NELL1: variants seen among roughly 807,000 people sequenced by gnomAD.
The protein encoded by NELL1 is protein kinase C-binding protein NELL1.
In NELL1, 76 loss-of-function variants were observed where a neutral mutation model predicts 107.4. The observed-to-expected ratio is 0.71, with a 90% CI of 0.59 to 0.86. NELL1 has a LOEUF of 0.86. Ranked by LOEUF, NELL1 falls within the 40% of genes least tolerant of loss-of-function variation. The pLI is 0.00. For synonymous variants in NELL1, 353 were observed against 341.2 expected (o/e 1.03, Z -0.38); for missense variants, 1,024 against 1,005.5 (o/e 1.02, Z -0.25).
At chr11:20,895,441 C>G (rs554494753) in intron 5 of NELL1, among the ~76,000 whole-genome samples, 1 of 150,702 alleles carries the variant, frequency 6.6e-6, no homozygotes, top group Non-Finnish European at 1.5e-5. Context: ...TATCTTTCCA[C>G]TCTCTAGCTG....
intron 15 of NELL1, among the ~76,000 whole-genome samples, chr11:21,526,719 C>G (rs1374710491): frequency 6.6e-6 from 1 of 152,170 alleles, no homozygotes; most frequent in Admixed American, 6.5e-5. Flanking sequence ...AGAGCTTGCC[C>G]CCTCTGAAAC....
chr11:21,574,235 T>C (rs1165955583), intron 19 of NELL1, among the ~76,000 whole-genome samples: 1 of 127,628 alleles, frequency 7.8e-6, no homozygotes, highest in East Asian at 2.3e-4. Context: ...CTTGCCTCTT[T>C]ATGCTGTTAT....
At chr11:20,688,202 A>T (rs1854356859) in intron 2 of NELL1, among the ~76,000 whole-genome samples, 1 of 152,190 alleles carries the variant, frequency 6.6e-6, no homozygotes, top group African/African-American at 2.4e-5. Flanking sequence ...TTTTTAAATT[A>T]AAAAAGTTTT....
intron 15 of NELL1, among the ~76,000 whole-genome samples, chr11:21,397,200 CT>C (rs1040891585): frequency 6.6e-6 from 1 of 151,256 alleles, no homozygotes; most frequent in African/African-American, 2.4e-5. Flanking sequence ...ACTATGCTAA[CT>C]TTTTATTGCC....
chr11:21,171,976 G>A (rs1013264044), intron 13 of NELL1, among the ~76,000 whole-genome samples: 11 of 151,754 alleles, frequency 7.2e-5, no homozygotes, highest in African/African-American at 2.4e-4. Context: ...ACATTTTCAT[G>A]TTTCTGAACT....
At chr11:20,988,978 A>G (rs536582886) in intron 12 of NELL1, among the ~76,000 whole-genome samples, 1 of 152,256 alleles carries the variant, frequency 6.6e-6, no homozygotes, top group East Asian at 1.9e-4. Context: ...CTAGCTAACT[A>G]TTTGATGCTA....
chr11:21,177,484 A>G (rs188398908), intron 13 of NELL1, among the ~76,000 whole-genome samples: 6 of 151,884 alleles, frequency 4.0e-5, no homozygotes, highest in Non-Finnish European at 7.4e-5. Context: ...GTGTATATGT[A>G]CCACATTTTC....
chr11:21,304,305 A>G (rs1483596457), intron 14 of NELL1, among the ~76,000 whole-genome samples: 2 of 151,956 alleles, frequency 1.3e-5, no homozygotes, highest in Non-Finnish European at 2.9e-5. Flanking sequence ...ATGCCTTTGT[A>G]TATGTACTGT....
chr11:20,830,143 G>A (rs1274109293), intron 3 of NELL1, among the ~76,000 whole-genome samples: 5 of 151,540 alleles, frequency 3.3e-5, no homozygotes, highest in African/African-American at 7.3e-5. Context: ...ATGGTGGTGC[G>A]TGCCTGTAAT....
At chr11:21,137,897 C>T (rs769250519) in intron 13 of NELL1, among the ~76,000 whole-genome samples, 13 of 152,184 alleles carry the variant, frequency 8.5e-5, no homozygotes, top group Non-Finnish European at 1.8e-4. Context: ...AGTACATTTT[C>T]TGTAACATAA....
rs147523617 is a variant in NELL1 at position 21,515,565 on chromosome 11, T to C, written c.1646-18809T>C. ...CTTCTCCACTTTGAGCCATTTTCTC[T>C]TTGGGCCTCAGTTTCATAATGTTTG... On this transcript the variant is annotated intron_variant, in intron 15 of 19. Coordinates refer to ENST00000357134, the MANE Select transcript of NELL1 (RefSeq NM_006157.5). 1.5e-3 allele frequency among the ~76,000 whole-genome samples: 227 copies of C among 152,292 alleles called. 1 individual carries two copies. The highest frequency in any genetic ancestry group is 5.2e-3 in the African/African-American group (218 of 41,570).
chr11:21,459,809 C>T (rs1853852329), intron 15 of NELL1, among the ~76,000 whole-genome samples: 1 of 151,934 alleles, frequency 6.6e-6, no homozygotes, highest in Admixed American at 6.6e-5. Context: ...AGTGGGATGA[C>T]TTCAACTTCA....
At chr11:21,438,094 G>A (rs975419140) in intron 15 of NELL1, among the ~76,000 whole-genome samples, 1 of 152,116 alleles carries the variant, frequency 6.6e-6, no homozygotes, top group Non-Finnish European at 1.5e-5. Context: ...TGTGATTTAT[G>A]ACGGAAAATA....
chr11:21,093,228 C>T (rs779826906), intron 12 of NELL1, among the ~76,000 whole-genome samples: 7 of 152,164 alleles, frequency 4.6e-5, no homozygotes, highest in Non-Finnish European at 1.0e-4. Context: ...GGAAACATAC[C>T]ACTGAAGCCA....
At chr11:20,873,818 C>T (rs1849250111) in intron 4 of NELL1, among the ~76,000 whole-genome samples, 1 of 149,636 alleles carries the variant, frequency 6.7e-6, no homozygotes, top group Non-Finnish European at 1.5e-5. Flanking sequence ...CCAGGCAGTC[C>T]ATCGGTGCAG....
intron 12 of NELL1, among the ~76,000 whole-genome samples, chr11:21,095,770 C>T (rs1480680477): frequency 6.6e-6 from 1 of 152,050 alleles, no homozygotes; most frequent in Non-Finnish European, 1.5e-5. Flanking sequence ...ACCACCATGC[C>T]CAACTACTTT....
intron 13 of NELL1, among the ~76,000 whole-genome samples, chr11:21,113,931 T>C (rs1855166776): frequency 6.6e-6 from 1 of 152,176 alleles, no homozygotes; most frequent in Admixed American, 6.6e-5. Flanking sequence ...GTGTGTGTGC[T>C]TGCATACATG....
At chr11:21,552,621 T>A (rs1229842825) in intron 16 of NELL1, among the ~76,000 whole-genome samples, 1 of 151,872 alleles carries the variant, frequency 6.6e-6, no homozygotes, top group Non-Finnish European at 1.5e-5. Context: ...ACAGATCTTT[T>A]CAGAGAATCT....
intron 3 of NELL1, among the ~76,000 whole-genome samples, chr11:20,812,772 G>C (rs1248410370): frequency 6.6e-6 from 1 of 151,922 alleles, no homozygotes; most frequent in East Asian, 1.9e-4. Context: ...ACTTTGGGAG[G>C]CCGAGGCGGG....
Sources: allele counts gnomAD v4.1 joint callset (sites outside exome capture counted in the v4.1 genomes callset), GRCh38; gene constraint gnomAD v4.1.1; transcripts MANE v1.5; gene names NCBI Gene and HGNC (gene_info 2026-07-23, HGNC 2026-07-21).